ZAN: variants seen among roughly 807,000 people sequenced by gnomAD.
ZAN encodes the protein zonadhesin, also known as zonadhesin (gene/pseudogene).
Under a neutral mutation model 286.2 loss-of-function variants are expected in ZAN, and 260 were observed. The observed-to-expected ratio is 0.91, with a 90% CI of 0.82 to 1.01. ZAN has a LOEUF of 1.01. Among genes scored for constraint, ZAN ranks in the 50% least tolerant of loss-of-function variants. The probability of loss-of-function intolerance (pLI) is 0.00; values close to 1 mark genes in which losing one functional copy is unlikely to be tolerated. For missense variants in ZAN, 3,410 were observed against 3,639.2 expected, an observed-to-expected ratio of 0.94 and a Z score of 1.62; for synonymous variants, 1,368 against 1,417.5, an observed-to-expected ratio of 0.97 and a Z score of 0.79.
rs1407509523 is a variant in ZAN at position 100,759,619 on chromosome 7, G to A, written c.3572-102G>A. ...TACTGGACTTTGGGGCTGGTGTCTC[G>A]GTGGCGCTCATCTCTCCCTGCGGCG... On this transcript the variant is annotated intron_variant, in intron 17 of 47. Coordinates refer to ENST00000613979, the MANE Select transcript of ZAN (RefSeq NM_003386.3). 20 of 1,403,190 alleles carry A rather than the reference G, an allele frequency of 1.4e-5. 1 individual carries two copies. The highest frequency in any genetic ancestry group is 1.1e-4 in the Admixed American group (4 of 36,610). 86.9% of individuals were successfully genotyped at this position (1,403,190 alleles called of 1,614,324 possible). A position where few individuals can be genotyped will look rare whatever the true frequency, so the allele number is the denominator to read the frequency against.
chr7:100,734,045 T>C lies in ZAN; in HGVS notation c.-124T>C, dbSNP rs1331801859. The stretch of plus-strand genomic sequence containing the variant: ...TTCCCAGAGCTTTTCTGTGTTTCTC[T>C]GTTCATTCTTCATGGCATCCTTGGA... On this transcript the variant is annotated 5_prime_UTR_variant, in exon 2 of 48. Transcript: ENST00000613979. The C allele has an allele frequency of 1.7e-6, 1 of 588,496 alleles. No homozygotes were observed. The highest frequency in any genetic ancestry group is 2.0e-5 in the African/African-American group (1 of 49,828). The allele number at this position is 588,496 out of a possible 1,614,324, so 36.5% of individuals were successfully genotyped here. A position where few individuals can be genotyped will look rare whatever the true frequency, so the allele number is the denominator to read the frequency against.
At chr7:100,774,585 G>A (rs1303714201) in intron 31 of ZAN, among the ~76,000 whole-genome samples, 1 of 152,114 alleles carries the variant, frequency 6.6e-6, no homozygotes, top group Non-Finnish European at 1.5e-5. Context: ...GGGAGGCTGA[G>A]GTAGGAGGAT....
intron 34 of ZAN, among the ~76,000 whole-genome samples, chr7:100,777,584 A>T (rs1810906498): frequency 6.7e-6 from 1 of 148,614 alleles, no homozygotes; most frequent in Non-Finnish European, 1.5e-5. Flanking sequence ...CTGGCCTTGA[A>T]CTCCTGACCT....
chr7:100,734,555 T>G lies in ZAN; in HGVS notation c.53+334T>G, dbSNP rs1282580915. 1.1e-4 allele frequency among the ~76,000 whole-genome samples: 14 copies of G among 128,806 alleles called. 1 individual carries two copies. Among genetic ancestry groups the G allele is most frequent in the African/African-American group, 3.7e-4 (13 of 35,106 alleles). 84.5% of individuals were successfully genotyped at this position (128,806 alleles called of 152,430 possible). On this transcript the variant is annotated intron_variant, in intron 2 of 47. Coordinates refer to ENST00000613979, the MANE Select transcript of ZAN (RefSeq NM_003386.3). ...AATCGCTTGAACCTGGGAGGCGGAG[T>G]TTGCAGTGAGCTGAGATCATGCCAT...
Position 100,792,416 on chromosome 7 carries a change from T to C in ZAN, c.7724T>C (p.Leu2575Pro). The C allele has an allele frequency of 6.2e-7, 1 of 1,612,198 alleles. No homozygotes were observed. The highest frequency in any genetic ancestry group is 8.5e-7 in the Non-Finnish European group (1 of 1,178,826). ...CCTCTCTGCACCAGGCACTGCGTGC[T>C]GGATCTGTGCTCTGCTCAGGACCCA... ...APEPFQEHCVLDLCSAQDPRE... is the reference protein window; with the variant it reads ...APEPFQEHCVPDLCSAQDPRE... The change falls in exon 42 of 48, where the codon CTG (leucine) becomes CCG (proline). Residue 2575 changes from leucine (L) to proline (P), a missense_variant. Leu to Pro is a moderately conservative substitution (Grantham distance 98). Coordinates refer to ENST00000613979, the MANE Select transcript of ZAN (RefSeq NM_003386.3).
At chr7:100,784,093 C>A (rs186006893) in intron 35 of ZAN, among the ~76,000 whole-genome samples, 2 of 150,334 alleles carry the variant, frequency 1.3e-5, no homozygotes, top group Non-Finnish European at 3.0e-5. Flanking sequence ...GTTTGACCAC[C>A]GTCCTTCATG....
Position 100,749,308 on chromosome 7 carries a change from C to T in ZAN, c.1249+838C>T, listed in dbSNP as rs551304265. ...AGTGAGCTGAGATCGCACCACTGCA[C>T]TCCATCCGGGGCAACAGAGTAAGAT... On this transcript the variant is annotated intron_variant, in intron 11 of 47. Coordinates refer to ENST00000613979, the MANE Select transcript of ZAN (RefSeq NM_003386.3). Among the ~76,000 whole-genome samples, 440 of 151,916 alleles carry T rather than the reference C, an allele frequency of 2.9e-3. 1 individual carries two copies. Among genetic ancestry groups the T allele is most frequent in the Non-Finnish European group, 5.3e-3 (360 of 67,988 alleles).
rs755219827 is a variant in ZAN, at chr7:100,753,148, T to G, written c.3043T>G (p.Leu1015Val). Reference sequence around the variant, plus strand: ...CCCCACAGCCACTGGGCTGGCAGCCTTGGTGATGTCTCCACATGCTCCAAG... The same window carrying G: ...CCCCACAGCCACTGGGCTGGCAGCCGTGGTGATGTCTCCACATGCTCCAAG... ...PSPTATGLAALVMSPHAPSTP... is the reference protein window; with the variant it reads ...PSPTATGLAAVVMSPHAPSTP... Residue 1015 changes from leucine (L) to valine (V), a missense_variant, in exon 14 of 48, where the codon TTG becomes GTG. Physicochemically the swap from Leu to Val is conservative, Grantham distance 32. This residue lies in a region of ZAN where 1,042 missense variants were observed against 1,058.0 expected (regional missense o/e 0.98). Coordinates refer to ENST00000613979, the MANE Select transcript of ZAN (RefSeq NM_003386.3). The G allele has an allele frequency of 6.2e-7, 1 of 1,613,666 alleles. No individual in the cohort carries two copies.
Position 100,775,724 on chromosome 7 carries a change from T to A in ZAN, c.6083T>A (p.Val2028Asp), listed in dbSNP as rs755467230. The A allele has an allele frequency of 2.5e-6, 4 of 1,613,760 alleles. No individual in the cohort carries two copies. The highest frequency in any genetic ancestry group is 3.4e-6 in the Non-Finnish European group (4 of 1,179,828). Residue 2028 changes from valine to aspartate, a missense_variant, in exon 33 of 48, where the codon GTC becomes GAC. Physicochemically the swap from Val to Asp is radical, Grantham distance 152. Around this residue, in one of 7 missense-constraint regions of ZAN, gnomAD observed 1,289 missense variants for 1,314.3 expected, o/e 0.98. Transcript: ENST00000613979. ...PAISQIPGVS[V>D]KSSSIYSIVN... ...ATCTCCCAGATCCCTGGGGTCAGTG[T>A]CAAGTCCAGCAGCATCTACAGCATT...
chr7:100,772,840 A>C (rs1292939250), intron 29 of ZAN, among the ~76,000 whole-genome samples: 1 of 150,348 alleles, frequency 6.7e-6, no homozygotes, highest in East Asian at 1.9e-4. Flanking sequence ...AAATTGTTAA[A>C]ATTGTAGATT....
intron 22 of ZAN, 113 bp downstream of exon 22, chr7:100,764,309 C>A: frequency 1.5e-6 from 2 of 1,293,442 alleles, no homozygotes; most frequent in African/African-American, 1.5e-5. Flanking sequence ...TTGGGACCAG[C>A]CTGGCCAACA....
chr7:100,781,451 A>C (rs776867158), intron 35 of ZAN, among the ~76,000 whole-genome samples: 7 of 152,102 alleles, frequency 4.6e-5, no homozygotes, highest in Non-Finnish European at 8.8e-5. Context: ...TCTCAGGGCC[A>C]GTGGAGGCAA....
chr7:100,777,519 G>A (rs1399340533), intron 34 of ZAN, among the ~76,000 whole-genome samples: 6 of 151,852 alleles, frequency 4.0e-5, no homozygotes, highest in Non-Finnish European at 7.4e-5. Context: ...CACGCCCCAC[G>A]TCTGGCTAAT....
At chr7:100,790,913 C>G (rs1321115619) in intron 39 of ZAN, 29 bp from the exon 40 acceptor site, 1 of 1,504,326 alleles carries the variant, frequency 6.6e-7, no homozygotes, top group East Asian at 2.4e-5. Flanking sequence ...TGAGGAGTCT[C>G]ACTTCTGGGG....
chr7:100,776,025 C>A (rs1042620960), intron 33 of ZAN, among the ~76,000 whole-genome samples, 192 bp downstream of exon 33: 1 of 151,924 alleles, frequency 6.6e-6, no homozygotes, highest in Non-Finnish European at 1.5e-5. Context: ...ACAGGAAAAA[C>A]CATTCTGCCC....
chr7:100,746,271 G>T (rs1808210900), intron 7 of ZAN, among the ~76,000 whole-genome samples: 1 of 152,134 alleles, frequency 6.6e-6, no homozygotes, highest in Non-Finnish European at 1.5e-5. Context: ...CAAAGAGTTA[G>T]CACCCAAAGG....
Position 100,787,995 on chromosome 7 carries a change from C to A in ZAN, c.7086C>A (p.Asp2362Glu), listed in dbSNP as rs538315578. 2 of 1,564,438 alleles carry A rather than the reference C, an allele frequency of 1.3e-6. No homozygotes were observed. The highest frequency in any genetic ancestry group is 2.3e-5 in the South Asian group (2 of 85,688). The change falls in exon 38 of 48, where the codon GAC becomes GAA. Residue 2362 changes from aspartate (D) to glutamate (E), a missense_variant. By Grantham distance (45) the Asp-to-Glu change is conservative. Around this residue, in one of 7 missense-constraint regions of ZAN, gnomAD observed 1,289 missense variants for 1,314.3 expected, o/e 0.98. Transcript: ENST00000613979. ...CCTATGTTCTGATCAAGACTGTGGA[C>A]GTACTGCCTGAGGGGGTGGAGCCCC... is the stretch of plus-strand genomic sequence containing the variant. ...RMTYVLIKTV[D>E]VLPEGVEPLL...
intron 38 of ZAN, among the ~76,000 whole-genome samples, chr7:100,788,915 T>A (rs2116305614): frequency 6.6e-6 from 1 of 152,010 alleles, no homozygotes; most frequent in South Asian, 2.1e-4. Flanking sequence ...GCCAGGCTGG[T>A]CTGGAACTCC....
Position 100,763,700 on chromosome 7 carries a change from C to G in ZAN, c.3987-106C>G, listed in dbSNP as rs1809743205. On this transcript the variant is annotated intron_variant, in intron 20 of 47. Transcript: ENST00000613979. The surrounding 1 kb of genome is among the most constrained non-coding windows in gnomAD (Gnocchi z 4.6). Reference sequence around the variant, plus strand: ...CCTCTGGGAGGGGTTTCCCAGCTGACAGGCTGGTTTGCCGGTCCCGGCCTG... The same window carrying G: ...CCTCTGGGAGGGGTTTCCCAGCTGAGAGGCTGGTTTGCCGGTCCCGGCCTG... 8.8e-7 allele frequency: 1 copy of G among 1,135,320 alleles called. No homozygotes were observed. The highest frequency in any genetic ancestry group is 1.3e-6 in the Non-Finnish European group (1 of 756,142). 70.3% of individuals were successfully genotyped at this position (1,135,320 alleles called of 1,614,324 possible). A position where few individuals can be genotyped will look rare whatever the true frequency, so the allele number is the denominator to read the frequency against.
Sources: allele counts gnomAD v4.1 joint callset (sites outside exome capture counted in the v4.1 genomes callset), GRCh38; gene constraint gnomAD v4.1.1; regional missense constraint gnomAD v4.1.1; non-coding constraint Gnocchi (gnomAD v3.1); transcripts MANE v1.5; gene names NCBI Gene and HGNC (gene_info 2026-07-23, HGNC 2026-07-21).